The following WNT9A variants were observed in gnomAD, a reference collection of about 807,000 sequenced individuals.
WNT9A encodes the protein protein Wnt-9a.
WNT9A carries 8 observed loss-of-function variants against 31.4 expected under a neutral mutation model. The ratio of observed to expected loss-of-function variants is 0.26; its 90% CI spans 0.15 to 0.46. WNT9A has a LOEUF of 0.46. Ranked by LOEUF, WNT9A falls within the 20% of genes least tolerant of loss-of-function variation. The pLI is 0.99. For missense variants in WNT9A, 457 were observed against 522.9 expected, an observed-to-expected ratio of 0.87 and a Z score of 1.23; for synonymous variants, 236 against 220.1, an observed-to-expected ratio of 1.07 and a Z score of -0.64.
intron 1 of WNT9A, among the ~76,000 whole-genome samples, chr1:227,943,748 G>A (rs1014179648): frequency 1.1e-4 from 17 of 152,200 alleles, no homozygotes; most frequent in African/African-American, 3.9e-4. Context: ...GGCTGACGTG[G>A]GAGATCCCTT....
At chr1:227,939,290 G>A (rs1315694016) in intron 1 of WNT9A, among the ~76,000 whole-genome samples, 1 of 152,200 alleles carries the variant, frequency 6.6e-6, no homozygotes, top group African/African-American at 2.4e-5. Flanking sequence ...GAAGCTGGCC[G>A]CGGTGGTCAG....
chr1:227,931,452 G>A (rs1010878841), intron 1 of WNT9A, among the ~76,000 whole-genome samples: 2 of 152,210 alleles, frequency 1.3e-5, no homozygotes, highest in African/African-American at 2.4e-5. Context: ...AACTGGCCAT[G>A]AAGCCATCTA....
intron 1 of WNT9A, among the ~76,000 whole-genome samples, chr1:227,936,166 C>T (rs2102726435): frequency 6.6e-6 from 1 of 152,218 alleles, no homozygotes; most frequent in East Asian, 1.9e-4. Context: ...ATTCTGTCTT[C>T]AATCTTGTGC....
chr1:227,945,384 G>T (rs1265904455), intron 1 of WNT9A, among the ~76,000 whole-genome samples: 1 of 152,190 alleles, frequency 6.6e-6, no homozygotes, highest in African/African-American at 2.4e-5. Context: ...AGGCCAAGGG[G>T]AGCCTCTTCC....
At chr1:227,946,178 G>A (rs749297401) in intron 1 of WNT9A, among the ~76,000 whole-genome samples, 3 of 152,262 alleles carry the variant, frequency 2.0e-5, no homozygotes, top group East Asian at 1.9e-4. Flanking sequence ...TGGACTTACT[G>A]TCTGCAAGAG....
At chr1:227,927,790 G>A (rs1271578711) in intron 1 of WNT9A, among the ~76,000 whole-genome samples, 2 of 152,166 alleles carry the variant, frequency 1.3e-5, no homozygotes, top group Non-Finnish European at 2.9e-5. Context: ...CGAGCCCCAA[G>A]CCACTGTCCC....
chr1:227,921,245 T>A lies in WNT9A; in HGVS notation c.*273A>T. 1 of 404,484 alleles carries A rather than the reference T, an allele frequency of 2.5e-6. No homozygotes were observed. The highest frequency in any genetic ancestry group is 4.4e-6 in the Non-Finnish European group (1 of 225,804). 25.1% of individuals were successfully genotyped at this position (404,484 alleles called of 1,614,324 possible). On this transcript the variant is annotated 3_prime_UTR_variant, in exon 4 of 4. Transcript: ENST00000272164. ...CAGCAGGGCTGACTGGGCCCAGGGA[T>A]TCAGCCTTGGCAGGTGTAGGCCCAT...
At position 227,925,705 on chromosome 1, in the gene WNT9A, T is replaced by C. The variant is rs1052418091; in HGVS notation, c.96-186A>G. Among the ~76,000 whole-genome samples, 2 of 151,548 alleles carry C rather than the reference T, an allele frequency of 1.3e-5. No individual in the cohort carries two copies. Among genetic ancestry groups the C allele is most frequent in the Non-Finnish European group, 2.9e-5 (2 of 67,836 alleles). Reference sequence around the variant, plus strand: ...AGGGCCTTGGCCCCCTGCACACCCATGGCCCCCACTCCAGCGAGCATGGTC... The same window carrying C: ...AGGGCCTTGGCCCCCTGCACACCCACGGCCCCCACTCCAGCGAGCATGGTC... On this transcript the variant is annotated intron_variant, in intron 1 of 3. Transcript: ENST00000272164. This position sits in a 1 kb window ranked among gnomAD's most constrained non-coding sequence, Gnocchi z 6.0.
chr1:227,945,055 G>A (rs1155358), intron 1 of WNT9A, among the ~76,000 whole-genome samples: 10,732 of 152,238 alleles, frequency 0.07, 856 homozygotes, highest in East Asian at 0.2. Context: ...CTGGGCCCAG[G>A]AGAGAAGCAG....
rs1666415635 is a variant in WNT9A, at chr1:227,925,971, GC to G, written c.96-453del. Among the ~76,000 whole-genome samples, 1 of 151,982 alleles carries G rather than the reference GC, an allele frequency of 6.6e-6. No individual in the cohort carries two copies. Among genetic ancestry groups the G allele is most frequent in the Non-Finnish European group, 1.5e-5 (1 of 67,952 alleles). Reference sequence around the variant, plus strand: ...GGCCCCAGCTGACCCGCAGGATCCCGCCTGAGGTCCCCCTACCCTCTGCCAT... The same window carrying G: ...GGCCCCAGCTGACCCGCAGGATCCCGCTGAGGTCCCCCTACCCTCTGCCAT... On this transcript the variant is annotated intron_variant, in intron 1 of 3. Transcript: ENST00000272164. The surrounding 1 kb of genome is among the most constrained non-coding windows in gnomAD (Gnocchi z 6.0).
rs746563782 is a variant in WNT9A, at chr1:227,921,969, T to C, written c.647A>G (p.Lys216Arg). The C allele has an allele frequency of 1.9e-6, 3 of 1,610,808 alleles. No individual in the cohort carries two copies. The highest frequency in any genetic ancestry group is 2.2e-5 in the South Asian group (2 of 90,990). Residue 216 changes from lysine to arginine, a missense_variant, in exon 4 of 4, where the codon AAG becomes AGG. Lys to Arg is a conservative substitution (Grantham distance 26, BLOSUM62 2). Coordinates refer to ENST00000272164, the MANE Select transcript of WNT9A (RefSeq NM_003395.4). ...GCATGAGCCTGACACGCCGTGGCAC[T>C]TGCAGGTGGTCTCCACCCCAGCCTT... is the stretch of plus-strand genomic sequence containing the variant. ...VIKAGVETTC[K>R]CHGVSGSCTV... is the part of the protein sequence containing the mutation.
intron 1 of WNT9A, among the ~76,000 whole-genome samples, chr1:227,946,382 C>G (rs981937202): frequency 1.3e-5 from 2 of 152,252 alleles, no homozygotes; most frequent in Non-Finnish European, 2.9e-5. Flanking sequence ...GCAGAGCCTC[C>G]GCTGGGCCGG....
chr1:227,923,389 C>G (rs2102717255), intron 3 of WNT9A, among the ~76,000 whole-genome samples: 1 of 152,246 alleles, frequency 6.6e-6, no homozygotes, highest in South Asian at 2.1e-4. Context: ...ATGCTGGGGG[C>G]TCTGTGCAGA....
At position 227,944,264 on chromosome 1, in the gene WNT9A, G is replaced by A. The variant is rs571925222; in HGVS notation, c.95+3529C>T. On this transcript the variant is annotated intron_variant, in intron 1 of 3. Coordinates refer to ENST00000272164, the MANE Select transcript of WNT9A (RefSeq NM_003395.4). ...TGATGCTGAGTGAGAGAAGCCAGGC[G>A]CGGAGGCCACACGGCATAGGATTCC... 5.9e-5 allele frequency among the ~76,000 whole-genome samples: 9 copies of A among 152,298 alleles called. No individual in the cohort carries two copies. In the South Asian group the frequency reaches 8.3e-4, roughly 14 times the overall value.
Position 227,924,318 on chromosome 1 carries a change from G to A in WNT9A, c.435C>T (p.Arg145=), listed in dbSNP as rs199868964. Residue 145 remains arginine (R), a synonymous_variant, in exon 3 of 4, where the codon CGC becomes CGT. Coordinates refer to ENST00000272164, the MANE Select transcript of WNT9A (RefSeq NM_003395.4). ...HALAKACSAG[R]MERCTCDEAP... ...CCTCATCGCAGGTACAGCGCTCCAT[G>A]CGGCCCGCGCTGCACGCCTTGGCCA... 23 of 1,613,538 alleles carry A rather than the reference G, an allele frequency of 1.4e-5. No homozygotes were observed. The highest frequency in any genetic ancestry group is 1.9e-5 in the Non-Finnish European group (22 of 1,179,976).
In WNT9A at chr1:227,921,543, T is replaced by C; in HGVS notation, c.1073A>G (p.Glu358Gly). The C allele has an allele frequency of 6.2e-7, 1 of 1,611,802 alleles. No homozygotes were observed. The highest frequency in any genetic ancestry group is 8.5e-7 in the Non-Finnish European group (1 of 1,178,904). Residue 358 changes from glutamate to glycine, a missense_variant, in exon 4 of 4, where the codon GAG becomes GGG. Transcript: ENST00000272164. ...TCAGCCCTTGCAGGTGTAGACCTCC[T>C]CACGCTGCGTGCACTGCCTGCACTC... Reference protein sequence around the residue: ...YVECRQCTQREEVYTCKG With the variant: ...YVECRQCTQRGEVYTCKG
At position 227,947,773 on chromosome 1, in the gene WNT9A, C is replaced by T. The variant is rs1283587285; in HGVS notation, c.95+20G>A. On this transcript the variant is annotated intron_variant, in intron 1 of 3. Transcript: ENST00000272164. ...GCCGCCCCCGCCCACCAGTGCGCGC[C>T]GGCCGCCGAAGGCACCTACCCGAAG... The T allele has an allele frequency of 6.5e-6, 7 of 1,075,086 alleles. No individual in the cohort carries two copies. The African/African-American group carries it at 1.2e-4, about 18-fold the overall frequency. 66.6% of individuals were successfully genotyped at this position (1,075,086 alleles called of 1,614,324 possible). A position where few individuals can be genotyped will look rare whatever the true frequency, so the allele number is the denominator to read the frequency against.
intron 1 of WNT9A, among the ~76,000 whole-genome samples, chr1:227,927,837 A>G (rs949140299): frequency 6.6e-6 from 1 of 151,994 alleles, no homozygotes; most frequent in Non-Finnish European, 1.5e-5. Context: ...TGGGCCCTCC[A>G]CAAGCTGCAA....
chr1:227,925,600 CA>C lies in WNT9A; in HGVS notation c.96-82del, dbSNP rs1404515113. 1.4e-6 allele frequency: 2 copies of C among 1,437,296 alleles called. No individual in the cohort carries two copies. The highest frequency in any genetic ancestry group is 1.4e-5 in the African/African-American group (1 of 69,564). The allele number at this position is 1,437,296 out of a possible 1,614,324, so 89.0% of individuals were successfully genotyped here. ...GCCAGGTGTCTCGGTGGCCAGGGTA[CA>C]GGGGACAGGCGTGTCCATCCGGGGG... On this transcript the variant is annotated intron_variant, in intron 1 of 3. Transcript: ENST00000272164. This position sits in a 1 kb window ranked among gnomAD's most constrained non-coding sequence, Gnocchi z 6.0.
Sources: allele counts gnomAD v4.1 joint callset (sites outside exome capture counted in the v4.1 genomes callset), GRCh38; gene constraint gnomAD v4.1.1; non-coding constraint Gnocchi (gnomAD v3.1); transcripts MANE v1.5; gene names NCBI Gene and HGNC (gene_info 2026-07-23, HGNC 2026-07-21).